The following WNT2 variants were observed in gnomAD, a reference collection of about 807,000 sequenced individuals.
WNT2 encodes protein Wnt-2.
A neutral mutation model predicts 36.9 loss-of-function variants in WNT2; 12 were observed. The ratio of observed to expected loss-of-function variants is 0.33; its 90% CI spans 0.21 to 0.53. The LOEUF (loss-of-function observed/expected upper bound fraction) is 0.53. WNT2 is among the 20% of genes least tolerant of loss of function. The pLI is 0.95. For missense variants in WNT2, 379 were observed against 473.1 expected, an observed-to-expected ratio of 0.80 and a Z score of 1.84; for synonymous variants, 163 against 174.6, an observed-to-expected ratio of 0.93 and a Z score of 0.52.
chr7:117,277,833 G>T lies in WNT2; in HGVS notation c.*322C>A. The T allele has an allele frequency of 6.5e-6, 2 of 309,294 alleles. No individual in the cohort carries two copies. Among genetic ancestry groups the T allele is most frequent in the South Asian group, 1.1e-4 (2 of 17,838 alleles). 19.2% of individuals were successfully genotyped at this position (309,294 alleles called of 1,614,324 possible). On this transcript the variant is annotated 3_prime_UTR_variant, in exon 5 of 5. Coordinates refer to ENST00000265441, the MANE Select transcript of WNT2 (RefSeq NM_003391.3). ...GCTTGGCCAACTGCTCTAGAAAGAAGAAACGTCAAGGTGGGTGGAGACAGT... is the reference window on the plus strand; with the variant it reads ...GCTTGGCCAACTGCTCTAGAAAGAATAAACGTCAAGGTGGGTGGAGACAGT...
chr7:117,283,479 A>G (rs1809360143), intron 4 of WNT2, among the ~76,000 whole-genome samples: 1 of 152,206 alleles, frequency 6.6e-6, no homozygotes, highest in Non-Finnish European at 1.5e-5. Flanking sequence ...TTCCTGACTC[A>G]GACTGTTGGC....
intron 2 of WNT2, among the ~76,000 whole-genome samples, chr7:117,318,438 T>C (rs970946939): frequency 1.3e-5 from 2 of 152,312 alleles, no homozygotes; most frequent in Middle Eastern, 3.4e-3. Flanking sequence ...TTGTGTAGCA[T>C]GAGTGGTTTA....
chr7:117,292,040 G>A (rs1318896859), intron 4 of WNT2, among the ~76,000 whole-genome samples: 1 of 152,174 alleles, frequency 6.6e-6, no homozygotes, highest in Non-Finnish European at 1.5e-5. Flanking sequence ...GCCTCCCAGA[G>A]TGCTGGGATT....
intron 3 of WNT2, among the ~76,000 whole-genome samples, chr7:117,300,253 C>G (rs1794877594): frequency 6.6e-6 from 1 of 152,148 alleles, no homozygotes; most frequent in Non-Finnish European, 1.5e-5. Flanking sequence ...GTGGCGCGAT[C>G]TCAGCTCACT....
intron 2 of WNT2, among the ~76,000 whole-genome samples, chr7:117,317,015 C>T (rs1795233393): frequency 6.6e-6 from 1 of 152,160 alleles, no homozygotes; most frequent in Non-Finnish European, 1.5e-5. Flanking sequence ...AATACCTTTT[C>T]CATAGTTACC....
chr7:117,297,557 G>A, intron 4 of WNT2, 55 bp downstream of exon 4: 1 of 1,551,412 alleles, frequency 6.4e-7, no homozygotes, highest in Non-Finnish European at 8.8e-7. Context: ...TTTAAATTGT[G>A]GAGTATCAAT....
chr7:117,287,139 G>A (rs1794596606), intron 4 of WNT2, among the ~76,000 whole-genome samples: 2 of 152,144 alleles, frequency 1.3e-5, no homozygotes, highest in Non-Finnish European at 1.5e-5. Flanking sequence ...ACAAGTTCAT[G>A]AGATCGAGAC....
intron 3 of WNT2, among the ~76,000 whole-genome samples, chr7:117,312,794 C>G (rs2116383136): frequency 6.6e-6 from 1 of 152,266 alleles, no homozygotes; most frequent in Non-Finnish European, 1.5e-5. Context: ...TGAGGGTGCT[C>G]TAACCAACTG....
intron 3 of WNT2, among the ~76,000 whole-genome samples, chr7:117,306,920 G>A (rs1049444973): frequency 6.6e-6 from 1 of 151,932 alleles, no homozygotes; most frequent in African/African-American, 2.4e-5. Context: ...CTCTTCAATA[G>A]GCTCATAACT....
intron 3 of WNT2, among the ~76,000 whole-genome samples, chr7:117,303,963 A>T (rs999851335): frequency 2.0e-5 from 3 of 152,210 alleles, no homozygotes; most frequent in African/African-American, 7.2e-5. Context: ...GCCAACCAGG[A>T]CTGGCTCCAC....
intron 4 of WNT2, among the ~76,000 whole-genome samples, chr7:117,281,428 G>GGGTC (rs983767074): frequency 1.3e-5 from 2 of 152,038 alleles, no homozygotes; most frequent in African/African-American, 4.8e-5. Flanking sequence ...TGTGGAGACA[G>GGGTC]GGTCTTGCCA....
chr7:117,279,337 C>T (rs1414138522), intron 4 of WNT2, among the ~76,000 whole-genome samples: 2 of 152,136 alleles, frequency 1.3e-5, no homozygotes, highest in African/African-American at 2.4e-5. Flanking sequence ...TTTCTACTTC[C>T]TCCCCCACAG....
In WNT2 at chr7:117,277,064, C is replaced by T. The variant is rs4730775; in HGVS notation, c.*1091G>A. On this transcript the variant is annotated 3_prime_UTR_variant, in exon 5 of 5. Transcript: ENST00000265441. ...GTGATGGGCATTAGCAGACGGCGGACGTGGCCGACTTCTTTCAGGCATCTG... is the reference window on the plus strand; with the variant it reads ...GTGATGGGCATTAGCAGACGGCGGATGTGGCCGACTTCTTTCAGGCATCTG... 0.41 allele frequency: 62,483 copies of T among 152,778 alleles called. 13,235 individuals are homozygous for T. Among genetic ancestry groups the T allele is most frequent in the Middle Eastern group, 0.52 (154 of 294 alleles). The allele number at this position is 152,778 out of a possible 1,614,324, so 9.5% of individuals were successfully genotyped here.
chr7:117,297,891 A>G lies in WNT2; in HGVS notation c.589-15T>C, dbSNP rs766515141. On this transcript the variant is annotated splice_polypyrimidine_tract_variant and intron_variant, in intron 3 of 4. Coordinates refer to ENST00000265441, the MANE Select transcript of WNT2 (RefSeq NM_003391.3). The stretch of plus-strand genomic sequence containing the variant: ...CGCTTTACAGCCTGCCGAAAAAGAC[A>G]GGGGCAAGTTCAGTGAGGTTCGAGC... 3.1e-6 allele frequency: 5 copies of G among 1,602,070 alleles called. No individual in the cohort carries two copies. The highest frequency in any genetic ancestry group is 1.1e-5 in the South Asian group (1 of 90,166).
At chr7:117,292,831 T>C (rs1403714721) in intron 4 of WNT2, among the ~76,000 whole-genome samples, 1 of 152,192 alleles carries the variant, frequency 6.6e-6, no homozygotes, top group East Asian at 1.9e-4. Flanking sequence ...CTAGTTTTCC[T>C]TAGCAAGAAA....
chr7:117,298,373 C>T (rs1026496944), intron 3 of WNT2, among the ~76,000 whole-genome samples: 1 of 152,110 alleles, frequency 6.6e-6, no homozygotes, highest in Non-Finnish European at 1.5e-5. Flanking sequence ...TTCTATGCTA[C>T]TGTATTTATT....
Position 117,281,891 on chromosome 7 carries a change from A to C in WNT2, c.854-3507T>G, listed in dbSNP as rs139397650. 6.2e-3 allele frequency among the ~76,000 whole-genome samples: 950 copies of C among 152,236 alleles called. 8 individuals carry two copies. Among genetic ancestry groups the C allele is most frequent in the Non-Finnish European group, 0.011 (723 of 67,994 alleles). On this transcript the variant is annotated intron_variant, in intron 4 of 4. Coordinates refer to ENST00000265441, the MANE Select transcript of WNT2 (RefSeq NM_003391.3). ...GCAGTTTCAGTGGATGACATAGATG[A>C]ATGTGGTGGAGGAGAGGACATGGGG...
intron 1 of WNT2, among the ~76,000 whole-genome samples, chr7:117,321,698 G>A (rs1378044012): frequency 6.7e-6 from 1 of 149,940 alleles, no homozygotes; most frequent in Non-Finnish European, 1.5e-5. Context: ...ATATATTTAA[G>A]TGACAGCTGA....
chr7:117,297,460 G>A (rs1794813639), intron 4 of WNT2, 152 bp downstream of exon 4: 7 of 985,144 alleles, frequency 7.1e-6, no homozygotes, highest in Admixed American at 2.8e-5. Context: ...ATGAGCCACC[G>A]CGCCCAGCCC....
Sources: gnomAD v4.1 joint callset for allele counts (sites outside exome capture counted in the v4.1 genomes callset) on GRCh38, gnomAD v4.1.1 for gene constraint, MANE v1.5 for transcripts, NCBI Gene and HGNC (gene_info 2026-07-23, HGNC 2026-07-21) for gene names.